Variants in SESN2 observed in about 807,000 individuals in gnomAD.
SESN2 encodes the protein sestrin 2.
Under a neutral mutation model 56.0 loss-of-function variants are expected in SESN2, and 42 were observed. The observed-to-expected ratio is 0.75, with a 90% CI of 0.59 to 0.97. The LOEUF (loss-of-function observed/expected upper bound fraction) is 0.97, where lower values mean the gene tolerates loss of function less well. SESN2 is among the 50% of genes least tolerant of loss of function. SESN2 has a pLI of 0.00. For synonymous variants in SESN2, 264 were observed against 267.1 expected (o/e 0.99, Z 0.11); for missense variants, 507 against 649.4 (o/e 0.78, Z 2.38).
At chr1:28,269,148 TCTA>T in intron 1 of SESN2, 32 bp from the exon 2 acceptor site, 1 of 1,541,308 alleles carries the variant, frequency 6.5e-7, no homozygotes. Flanking sequence ...TATTCTCCCT[TCTA>T]CTACGGACTA....
intron 6 of SESN2, 108 bp downstream of exon 6, chr1:28,273,616 C>A (rs929665664): frequency 9.0e-7 from 1 of 1,105,316 alleles, no homozygotes; most frequent in South Asian, 1.7e-5. Context: ...CTCAACCTCC[C>A]GTCCAAGAGG....
chr1:28,269,392 G>C, intron 2 of SESN2, 144 bp downstream of exon 2: 1 of 521,946 alleles, frequency 1.9e-6, no homozygotes, highest in Non-Finnish European at 3.3e-6. Flanking sequence ...TTCACAAAAC[G>C]GCTTTGTGAA....
chr1:28,261,732 C>T (rs1647380141), intron 1 of SESN2, among the ~76,000 whole-genome samples: 1 of 151,738 alleles, frequency 6.6e-6, no homozygotes, highest in South Asian at 2.1e-4. Context: ...AGCCATGTTT[C>T]CTCAGTGGAG....
rs151208219 is a variant in SESN2 at position 28,271,718 on chromosome 1, G to A, written c.201G>A (p.Leu67=). The A allele has an allele frequency of 1.9e-4, 310 of 1,614,252 alleles. 2 individuals carry two copies. In the African/African-American group the frequency reaches 3.9e-3, roughly 20 times the overall value. The change falls in exon 3 of 10, where the codon CTG becomes CTA. Residue 67 remains leucine, a synonymous_variant. Coordinates refer to ENST00000253063, the MANE Select transcript of SESN2 (RefSeq NM_031459.5). ...GAESLEQHLG[L]EALMSSGRVD... is the part of the protein sequence containing the mutation. ...AGAGCCTCGAGCAGCACCTGGGGCT[G>A]GAGGCACTGATGTCCTCTGGGCGAG...
chr1:28,268,453 G>C (rs555395565), intron 1 of SESN2, among the ~76,000 whole-genome samples: 2 of 152,192 alleles, frequency 1.3e-5, no homozygotes, highest in Admixed American at 6.5e-5. Flanking sequence ...ATCACCTGAG[G>C]TTGGGGATTC....
chr1:28,264,379 C>T (rs796272241), intron 1 of SESN2, among the ~76,000 whole-genome samples: 11 of 152,188 alleles, frequency 7.2e-5, no homozygotes, highest in African/African-American at 2.6e-4. Flanking sequence ...GGGCCATTAT[C>T]CTCTTTTTAC....
chr1:28,263,000 A>T (rs1006108645), intron 1 of SESN2, among the ~76,000 whole-genome samples: 1 of 152,142 alleles, frequency 6.6e-6, no homozygotes, highest in Non-Finnish European at 1.5e-5. Context: ...CCCCCACTAG[A>T]TAAGTCCCCT....
rs1050379080 is a variant in SESN2 at position 28,270,576 on chromosome 1, C to CT, written c.157-1086dup. Among the ~76,000 whole-genome samples, 404 of 145,444 alleles carry CT rather than the reference C, an allele frequency of 2.8e-3. 1 individual carries two copies. Among genetic ancestry groups the CT allele is most frequent in the Non-Finnish European group, 3.4e-3 (225 of 65,770 alleles). Reference sequence around the variant, plus strand: ...TATTTTTTCATTTATAAGTGACCACCTTTTTTTTTTTTGAAACGAAGTTTT... The same window carrying CT: ...TATTTTTTCATTTATAAGTGACCACCTTTTTTTTTTTTTGAAACGAAGTTTT... On this transcript the variant is annotated intron_variant, in intron 2 of 9. Transcript: ENST00000253063.
chr1:28,266,878 A>G (rs1162036696), intron 1 of SESN2, among the ~76,000 whole-genome samples: 1 of 151,974 alleles, frequency 6.6e-6, no homozygotes, highest in Non-Finnish European at 1.5e-5. Flanking sequence ...TGCATTGTAT[A>G]TTGTTGTTGT....
Position 28,259,905 on chromosome 1 carries a change from C to T in SESN2, c.58C>T (p.Pro20Ser), listed in dbSNP as rs2149034496. 1 of 1,468,946 alleles carries T rather than the reference C, an allele frequency of 6.8e-7. No individual in the cohort carries two copies. 91.0% of individuals were successfully genotyped at this position (1,468,946 alleles called of 1,614,324 possible). Residue 20 changes from proline to serine, a missense_variant, in exon 1 of 10, where the codon CCG (proline) becomes TCG (serine). Transcript: ENST00000253063. ...AELKDYLRFA[P>S]GGVGDSGPGE... ...GCTCAAGGACTACCTGCGGTTCGCC[C>T]CGGGCGGCGTCGGCGACTCGGGCCC... is the stretch of plus-strand genomic sequence containing the variant.
intron 1 of SESN2, among the ~76,000 whole-genome samples, chr1:28,261,663 C>A (rs771553344): frequency 2.6e-5 from 4 of 152,136 alleles, no homozygotes; most frequent in Non-Finnish European, 4.4e-5. Context: ...GTACACCCCT[C>A]TCTGGGTCAG....
At chr1:28,272,256 A>T in intron 3 of SESN2, 28 bp from the exon 4 acceptor site, 7 of 1,608,346 alleles carry the variant, frequency 4.4e-6, no homozygotes, top group Non-Finnish European at 6.0e-6. Context: ...GAGGAGGGTG[A>T]CTCAGGCTGT....
chr1:28,273,315 G>GA, intron 5 of SESN2, 43 bp from the exon 6 acceptor site: 1 of 1,514,010 alleles, frequency 6.6e-7, no homozygotes, highest in Non-Finnish European at 8.9e-7. Flanking sequence ...CCCAGAGGCT[G>GA]AAGGAGGAGG....
intron 5 of SESN2, 67 bp from the exon 6 acceptor site, chr1:28,273,291 G>C: frequency 1.4e-6 from 2 of 1,444,748 alleles, no homozygotes; most frequent in Non-Finnish European, 1.8e-6. Context: ...CTCTGGGAAG[G>C]ATGAGTGGAG....
chr1:28,260,681 ACCCT>A (rs1647343877), intron 1 of SESN2, among the ~76,000 whole-genome samples: 1 of 80,594 alleles, frequency 1.2e-5, no homozygotes, highest in Admixed American at 1.4e-4. Flanking sequence ...TTCCTCCCCC[ACCCT>A]CCCTTCGCGC....
intron 8 of SESN2, among the ~76,000 whole-genome samples, chr1:28,275,784 T>C (rs1422522758): frequency 6.6e-6 from 1 of 150,868 alleles, no homozygotes; most frequent in African/African-American, 2.4e-5. Context: ...CCAGGCGCGG[T>C]GGCTCATGCC....
rs1162557340 is a variant in SESN2, at chr1:28,274,032, G to A, written c.902-8G>A. The A allele has an allele frequency of 1.9e-6, 3 of 1,587,030 alleles. No homozygotes were observed. The African/African-American group carries it at 4.0e-5, about 21-fold the overall frequency. The stretch of plus-strand genomic sequence containing the variant: ...TCAGCCTCACTGTGACCTCTTTCTG[G>A]TCCTCAGCTGACATCCTGGAGCCCT... On this transcript the variant is annotated splice_polypyrimidine_tract_variant and splice_region_variant and intron_variant, in intron 6 of 9. Coordinates refer to ENST00000253063, the MANE Select transcript of SESN2 (RefSeq NM_031459.5).
In SESN2 at chr1:28,274,981, A is replaced by G. The variant is rs1176817586; in HGVS notation, c.1177A>G (p.Ile393Val). 3.1e-6 allele frequency: 5 copies of G among 1,613,878 alleles called. No individual in the cohort carries two copies. In the African/African-American group the frequency reaches 5.3e-5, roughly 17 times the overall value. ...GGACACCTCCGTGCTCCGCAGGGCC[A>G]TCTGGAACTATATCCACTGCGTCTT... ...GVDTSVLRRA[I>V]WNYIHCVFGI... Residue 393 changes from isoleucine to valine, a missense_variant, in exon 8 of 10, where the codon ATC becomes GTC. Transcript: ENST00000253063.
Position 28,272,353 on chromosome 1 carries a change from G to A in SESN2, c.424G>A (p.Asp142Asn). The stretch of plus-strand genomic sequence containing the variant: ...GGCCGAGTTTCTGCAGACTGGTGGT[G>A]ACCCTGAGTGGCTGCTGGGCCTCCA... ...HMAEFLQTGGDPEWLLGLHRA... is the reference protein window; with the variant it reads ...HMAEFLQTGGNPEWLLGLHRA... The change falls in exon 4 of 10, where the codon GAC (aspartate) becomes AAC (asparagine). Residue 142 changes from aspartate (D) to asparagine (N), a missense_variant. Coordinates refer to ENST00000253063, the MANE Select transcript of SESN2 (RefSeq NM_031459.5). The A allele has an allele frequency of 6.2e-7, 1 of 1,614,058 alleles. No homozygotes were observed. Among genetic ancestry groups the A allele is most frequent in the African/African-American group, 1.3e-5 (1 of 75,054 alleles).
Sources: gnomAD v4.1 joint callset for allele counts (sites outside exome capture counted in the v4.1 genomes callset) on GRCh38, gnomAD v4.1.1 for gene constraint, MANE v1.5 for transcripts, NCBI Gene and HGNC (gene_info 2026-07-23, HGNC 2026-07-21) for gene names.